PDE1A: variants seen among roughly 807,000 people sequenced by gnomAD.
PDE1A encodes phosphodiesterase 1A.
A neutral mutation model predicts 61.7 loss-of-function variants in PDE1A; 35 were observed. That is an observed-to-expected ratio of 0.57 (90% CI 0.43 to 0.75). PDE1A has a LOEUF of 0.75. PDE1A is among the 30% of genes least tolerant of loss of function. The pLI, the probability that PDE1A is intolerant of heterozygous loss-of-function variation, is 0.00. For synonymous variants in PDE1A, 232 were observed against 213.2 expected (o/e 1.09, Z -0.77); for missense variants, 597 against 630.6 (o/e 0.95, Z 0.57).
At chr2:182,571,182 C>A in the PDE1A span, among the ~76,000 whole-genome samples, 4 of 152,072 alleles carry the variant, frequency 2.6e-5, no homozygotes, top group Admixed American at 2.0e-4. Context: ...ATGGTAAGAG[C>A]TATTTTCATG....
chr2:182,459,890 A>C (rs891619856), intron 2 of PDE1A, among the ~76,000 whole-genome samples: 1 of 152,190 alleles, frequency 6.6e-6, no homozygotes, highest in Non-Finnish European at 1.5e-5. Flanking sequence ...CACCATACCT[A>C]GCACAAATAG....
At chr2:182,228,502 A>C (rs565731756) in intron 6 of PDE1A, among the ~76,000 whole-genome samples, 1 of 152,272 alleles carries the variant, frequency 6.6e-6, no homozygotes, top group East Asian at 1.9e-4. Flanking sequence ...AAAGAACTAA[A>C]GATTTTTTCC....
intron 1 of PDE1A, among the ~76,000 whole-genome samples, chr2:182,355,279 TA>T (rs1002362405): frequency 1.3e-5 from 2 of 151,984 alleles, no homozygotes; most frequent in Non-Finnish European, 2.9e-5. Context: ...TATCAACAGT[TA>T]AAAACAAATC....
At chr2:182,309,417 T>C (rs1477216178) in intron 1 of PDE1A, among the ~76,000 whole-genome samples, 2 of 151,908 alleles carry the variant, frequency 1.3e-5, no homozygotes, top group African/African-American at 4.8e-5. Context: ...ACTTAAGGCA[T>C]CTCCATTTCT....
At chr2:182,389,815 A>C (rs1701320006) in intron 1 of PDE1A, among the ~76,000 whole-genome samples, 1 of 152,202 alleles carries the variant, frequency 6.6e-6, no homozygotes, top group African/African-American at 2.4e-5. Flanking sequence ...AGACAGAATA[A>C]GGCAGGCAAA....
chr2:182,290,457 C>T (rs1023882384), intron 1 of PDE1A, among the ~76,000 whole-genome samples: 1 of 151,994 alleles, frequency 6.6e-6, no homozygotes, highest in Non-Finnish European at 1.5e-5. Flanking sequence ...AAATGAAAAA[C>T]ACAAGGGTAG....
chr2:182,407,215 C>G (rs1485881525), intron 1 of PDE1A, among the ~76,000 whole-genome samples: 3 of 152,066 alleles, frequency 2.0e-5, no homozygotes, highest in African/African-American at 7.2e-5. Context: ...TAACAGCTTT[C>G]AAATGTCTCT....
At chr2:182,561,053 T>C in the PDE1A span, among the ~76,000 whole-genome samples, 1 of 143,688 alleles carries the variant, frequency 7.0e-6, no homozygotes, top group African/African-American at 2.5e-5. Flanking sequence ...AGAAGCTCTT[T>C]AGTTTAATTA....
the PDE1A span, among the ~76,000 whole-genome samples, chr2:182,644,886 AATAG>A: frequency 6.6e-6 from 1 of 152,226 alleles, no homozygotes; most frequent in African/African-American, 2.4e-5. Flanking sequence ...ATATTTGAAA[AATAG>A]ATAATAGCAT....
chr2:182,627,157 TA>T, the PDE1A span, among the ~76,000 whole-genome samples: 22 of 66,118 alleles, frequency 3.3e-4, 5 homozygotes, highest in African/African-American at 1.4e-3. Flanking sequence ...TATTTATATA[TA>T]AAATATAAAT....
the PDE1A span, among the ~76,000 whole-genome samples, chr2:182,553,048 C>T: frequency 5.0e-4 from 76 of 152,340 alleles, no homozygotes; most frequent in African/African-American, 1.3e-3. Flanking sequence ...TGTTCCTGCA[C>T]GGCTAAGTGC....
chr2:182,144,016 AACAACTAGACTC>A (rs1425227103), downstream of PDE1A, among the ~76,000 whole-genome samples: 9 of 152,166 alleles, frequency 5.9e-5, no homozygotes, highest in Admixed American at 2.6e-4. Flanking sequence ...GTGAGTGTAA[AACAACTAGACTC>A]ACAGGGACTG....
At chr2:182,269,070 A>G (rs546869625) in intron 1 of PDE1A, among the ~76,000 whole-genome samples, 1 of 152,300 alleles carries the variant, frequency 6.6e-6, no homozygotes, top group East Asian at 1.9e-4. Context: ...TTATTATACA[A>G]ATAAAATAAT....
chr2:182,679,249 T>C, the PDE1A span, among the ~76,000 whole-genome samples: 257 of 151,084 alleles, frequency 1.7e-3, no homozygotes, highest in African/African-American at 5.9e-3. Context: ...AGTGGTGCAA[T>C]CTCGGCTCAC....
chr2:182,632,344 C>G, the PDE1A span, among the ~76,000 whole-genome samples: 2 of 152,104 alleles, frequency 1.3e-5, no homozygotes, highest in Admixed American at 6.6e-5. Context: ...GTTTTACAAT[C>G]GTTCTATGTA....
chr2:182,247,062 G>T (rs917669468), intron 2 of PDE1A, among the ~76,000 whole-genome samples: 1 of 152,148 alleles, frequency 6.6e-6, no homozygotes, highest in Non-Finnish European at 1.5e-5. Context: ...ATTTATTGCT[G>T]CTTATGCAGC....
chr2:182,597,576 G>C, the PDE1A span, among the ~76,000 whole-genome samples: 1 of 152,092 alleles, frequency 6.6e-6, no homozygotes, highest in African/African-American at 2.4e-5. Context: ...GAATACAGGG[G>C]TAGAGAGACC....
chr2:182,490,516 C>T (rs1026518442), intron 2 of PDE1A, among the ~76,000 whole-genome samples: 2 of 152,086 alleles, frequency 1.3e-5, no homozygotes, highest in Admixed American at 6.5e-5. Context: ...ATTGCAAGCG[C>T]CCACCACCAC....
the PDE1A span, among the ~76,000 whole-genome samples, chr2:182,552,204 A>C: frequency 6.6e-6 from 1 of 152,112 alleles, no homozygotes; most frequent in African/African-American, 2.4e-5. Flanking sequence ...TCAGTTTTTC[A>C]CATATAATGC....
Sources: allele counts gnomAD v4.1 joint callset (sites outside exome capture counted in the v4.1 genomes callset), GRCh38; gene constraint gnomAD v4.1.1; transcripts MANE v1.5; gene names NCBI Gene and HGNC (gene_info 2026-07-23, HGNC 2026-07-21).